Variants in MAGEA4 observed in about 807,000 individuals in gnomAD.
The protein encoded by MAGEA4 is MAGE family member A4, also known as melanoma-associated antigen 4.
Under a neutral mutation model 13.7 loss-of-function variants are expected in MAGEA4, and 1 was observed. The observed-to-expected ratio is 0.07, with a 90% CI of 0.03 to 0.35. The LOEUF is 0.35. MAGEA4 is among the 10% of genes least tolerant of loss of function. MAGEA4 has a pLI of 0.99. For synonymous variants in MAGEA4, 132 were observed against 101.1 expected (o/e 1.31, Z -1.83); for missense variants, 312 against 245.1 (o/e 1.27, Z -1.82).
rs1475670974 is a variant in MAGEA4, at chrX:151,915,754, C to T, written c.-138+2785C>T. Reference sequence around the variant, plus strand: ...TGGGCGGACTTCTGAGCTTGGGGCGCCCACCACCCCACTGCCTCTGAAGTC... The same window carrying T: ...TGGGCGGACTTCTGAGCTTGGGGCGTCCACCACCCCACTGCCTCTGAAGTC... On this transcript the variant is annotated intron_variant, in intron 1 of 2. Transcript: ENST00000276344. 5.8e-5 allele frequency: 3 copies of T among 51,341 alleles called. 1 individual carries two copies. The highest frequency in any genetic ancestry group is 1.0e-4 in the Non-Finnish European group (3 of 29,574). The allele number at this position is 51,341 out of a possible 1,213,427, so 4.2% of individuals were successfully genotyped here. A position where few individuals can be genotyped will look rare whatever the true frequency, so the allele number is the denominator to read the frequency against.
At chrX:151,922,997 A>T (rs1293927132) in intron 1 of MAGEA4, among the ~76,000 whole-genome samples, 1 of 112,480 alleles carries the variant, frequency 8.9e-6, no homozygotes, top group Non-Finnish European at 1.9e-5. Flanking sequence ...CCTCTCAGGC[A>T]TGTGAGCTCT....
Position 151,923,598 on chromosome X carries a change from AG to A in MAGEA4, c.-65del. 2 of 1,209,042 alleles carry A rather than the reference AG, an allele frequency of 1.7e-6. No homozygotes were observed. Among genetic ancestry groups the A allele is most frequent in the Admixed American group, 4.4e-5 (2 of 45,844 alleles). ...TCTCTCACATGCTCCCTCTCTCCGTAGGCCTGTGGGTCCCCATTGCCCAGCT... is the reference window on the plus strand; with the variant it reads ...TCTCTCACATGCTCCCTCTCTCCGTAGCCTGTGGGTCCCCATTGCCCAGCT... On this transcript the variant is annotated splice_acceptor_variant, in intron 2 of 2. Coordinates refer to ENST00000276344, the MANE Select transcript of MAGEA4 (RefSeq NM_001011548.1). LOFTEE classifies it low-confidence loss of function (5UTR_SPLICE).
chrX:151,924,472 T>C lies in MAGEA4; in HGVS notation c.808T>C (p.Tyr270His), dbSNP rs891467605. 4.1e-6 allele frequency: 5 copies of C among 1,210,317 alleles called. No homozygotes were observed. In the Admixed American group the frequency reaches 8.7e-5, roughly 21 times the overall value. Residue 270 changes from tyrosine to histidine, a missense_variant, in exon 3 of 3, where the codon TAT (tyrosine) becomes CAT (histidine). Coordinates refer to ENST00000276344, the MANE Select transcript of MAGEA4 (RefSeq NM_001011548.1). Reference sequence around the variant, plus strand: ...GGTACCCGGCAGTAATCCTGCGCGCTATGAGTTCCTGTGGGGTCCAAGGGC... The same window carrying C: ...GGTACCCGGCAGTAATCCTGCGCGCCATGAGTTCCTGTGGGGTCCAAGGGC... ...RQVPGSNPAR[Y>H]EFLWGPRALA...
At chrX:151,921,153 C>T (rs1037598897) in intron 1 of MAGEA4, among the ~76,000 whole-genome samples, 5 of 112,298 alleles carry the variant, frequency 4.5e-5, no homozygotes, top group Non-Finnish European at 7.5e-5. Flanking sequence ...GCTGCCATTT[C>T]GCTGCTCCAT....
upstream of MAGEA4, chrX:151,912,806 G>T (rs1464621390): frequency 7.1e-5 from 7 of 98,439 alleles, no homozygotes; most frequent in African/African-American, 1.5e-4. Flanking sequence ...ATCCAGGCAG[G>T]ATCCCCGGTT....
chrX:151,924,074 T>A lies in MAGEA4; in HGVS notation c.410T>A (p.Leu137Gln), dbSNP rs1224431639. ...GAGCTGGTCACAAAGGCAGAAATGC[T>A]GGAGAGAGTCATCAAAAATTACAAG... ...AKELVTKAEMLERVIKNYKRC... is the reference protein window; with the variant it reads ...AKELVTKAEMQERVIKNYKRC... The change falls in exon 3 of 3, where the codon CTG becomes CAG. Residue 137 changes from leucine to glutamine, a missense_variant. Transcript: ENST00000276344. 2 of 1,210,827 alleles carry A rather than the reference T, an allele frequency of 1.7e-6. No individual in the cohort carries two copies. Among genetic ancestry groups the A allele is most frequent in the African/African-American group, 3.5e-5 (2 of 57,462 alleles).
intron 1 of MAGEA4, chrX:151,918,904 C>T: frequency 1.4e-6 from 1 of 728,138 alleles, no homozygotes; most frequent in Non-Finnish European, 1.6e-6. Flanking sequence ...TCTCTTTCAA[C>T]CCAAGAAAGC....
rs1438241299 is a variant in MAGEA4 at position 151,923,580 on chromosome X, C to T, written c.-65-20C>T. 2.1e-5 allele frequency: 26 copies of T among 1,210,541 alleles called. No individual in the cohort carries two copies. The highest frequency in any genetic ancestry group is 2.9e-5 in the Non-Finnish European group (26 of 895,074). ...TTTGGTTCTCAGCTGAGGTCTCTCA[C>T]ATGCTCCCTCTCTCCGTAGGCCTGT... is the stretch of plus-strand genomic sequence containing the variant. On this transcript the variant is annotated intron_variant, in intron 2 of 2. Coordinates refer to ENST00000276344, the MANE Select transcript of MAGEA4 (RefSeq NM_001011548.1).
In MAGEA4 at chrX:151,924,051, G is replaced by A. The variant is rs766749023; in HGVS notation, c.387G>A (p.Glu129=). Residue 129 remains glutamate (E), a synonymous_variant, in exon 3 of 3, where the codon GAG becomes GAA. Transcript: ENST00000276344. ...TGCTCCGCAAGTATCGAGCCAAGGA[G>A]CTGGTCACAAAGGCAGAAATGCTGG... The part of the protein sequence containing the change: ...HFLLRKYRAK[E]LVTKAEMLER... 1 of 1,210,998 alleles carries A rather than the reference G, an allele frequency of 8.3e-7. No homozygotes were observed. Among genetic ancestry groups the A allele is most frequent in the East Asian group, 3.0e-5 (1 of 33,759 alleles).
In MAGEA4 at chrX:151,923,915, C is replaced by G; in HGVS notation, c.251C>G (p.Pro84Arg). The G allele has an allele frequency of 8.3e-7, 1 of 1,211,612 alleles. No homozygotes were observed. Among genetic ancestry groups the G allele is most frequent in the Non-Finnish European group, 1.1e-6 (1 of 895,446 alleles). The change falls in exon 3 of 3, where the codon CCC becomes CGC. Residue 84 changes from proline to arginine, a missense_variant. Transcript: ENST00000276344. Reference protein sequence around the residue: ...TTISFTCWRQPNEGSSSQEEE... With the variant: ...TTISFTCWRQRNEGSSSQEEE... The stretch of plus-strand genomic sequence containing the variant: ...ATCAGCTTCACTTGCTGGAGGCAAC[C>G]CAATGAGGGTTCCAGCAGCCAAGAA...
chrX:151,921,400 A>G (rs183239791), intron 1 of MAGEA4, among the ~76,000 whole-genome samples: 1 of 112,260 alleles, frequency 8.9e-6, no homozygotes, highest in East Asian at 2.8e-4. Context: ...GAGGAACCCA[A>G]ATAATCCAGC....
chrX:151,920,715 A>G (rs1295812720), intron 1 of MAGEA4, among the ~76,000 whole-genome samples: 11 of 98,013 alleles, frequency 1.1e-4, no homozygotes, highest in African/African-American at 4.3e-4. Context: ...CCCTGCTTTC[A>G]ATCCAGGCAA....
intron 1 of MAGEA4, among the ~76,000 whole-genome samples, chrX:151,921,763 C>G (rs944699093): frequency 4.5e-5 from 5 of 111,848 alleles, no homozygotes; most frequent in African/African-American, 6.5e-5. Context: ...GTATCATGAG[C>G]AGAGCCTCAG....
chrX:151,917,837 G>C (rs1933132022), intron 1 of MAGEA4, among the ~76,000 whole-genome samples: 1 of 102,208 alleles, frequency 9.8e-6, no homozygotes, highest in Non-Finnish European at 2.0e-5. Context: ...GGGGACTCTG[G>C]AGTCAGAGCT....
chrX:151,924,461 A>G lies in MAGEA4; in HGVS notation c.797A>G (p.Asn266Ser). The change falls in exon 3 of 3, where the codon AAT (asparagine) becomes AGT (serine). Residue 266 changes from asparagine to serine, a missense_variant. Coordinates refer to ENST00000276344, the MANE Select transcript of MAGEA4 (RefSeq NM_001011548.1). ...YLEYRQVPGSNPARYEFLWGP... is the reference protein window; with the variant it reads ...YLEYRQVPGSSPARYEFLWGP... ...GAGTACCGGCAGGTACCCGGCAGTA[A>G]TCCTGCGCGCTATGAGTTCCTGTGG... 1.2e-5 allele frequency: 15 copies of G among 1,211,799 alleles called. No individual in the cohort carries two copies. The highest frequency in any genetic ancestry group is 1.7e-5 in the African/African-American group (1 of 57,831).
intron 1 of MAGEA4, chrX:151,913,550 T>G (rs1344359925): frequency 3.7e-5 from 28 of 747,579 alleles, no homozygotes; most frequent in Admixed American, 3.6e-4. Context: ...AGCTTGGGAT[T>G]GGCGGAGGGA....
chrX:151,923,419 A>C, intron 1 of MAGEA4, 34 bp from the exon 2 acceptor site: 1 of 1,134,137 alleles, frequency 8.8e-7, no homozygotes, highest in Non-Finnish European at 1.2e-6. Context: ...CTGGCCGGCT[A>C]TACCCTGAGG....
chrX:151,924,189 C>T lies in MAGEA4; in HGVS notation c.525C>T (p.Asn175=), dbSNP rs2124115685. 8.3e-7 allele frequency: 1 copy of T among 1,211,868 alleles called. No individual in the cohort carries two copies. Among genetic ancestry groups the T allele is most frequent in the South Asian group, 1.8e-5 (1 of 56,921 alleles). ...TGAAGGAAGTGGACCCCGCCAGCAA[C>T]ACCTACACCCTTGTCACCTGCCTGG... ...IDVKEVDPAS[N]TYTLVTCLGL... The change falls in exon 3 of 3, where the codon AAC becomes AAT. Residue 175 remains asparagine, a synonymous_variant. Coordinates refer to ENST00000276344, the MANE Select transcript of MAGEA4 (RefSeq NM_001011548.1).
At chrX:151,920,887 A>G (rs1462468299) in intron 1 of MAGEA4, among the ~76,000 whole-genome samples, 2 of 110,052 alleles carry the variant, frequency 1.8e-5, no homozygotes, top group East Asian at 5.8e-4. Context: ...GGAAACCCCT[A>G]TCCCTGATAG....
Sources: gnomAD v4.1 joint callset for allele counts (sites outside exome capture counted in the v4.1 genomes callset) on GRCh38, gnomAD v4.1.1 for gene constraint, MANE v1.5 for transcripts, NCBI Gene and HGNC (gene_info 2026-07-23, HGNC 2026-07-21) for gene names.